The following CLYBL variants were observed in gnomAD, a reference collection of about 807,000 sequenced individuals.
CLYBL encodes citramalyl-CoA lyase, mitochondrial.
Under a neutral mutation model 38.9 loss-of-function variants are expected in CLYBL, and 31 were observed. That is an observed-to-expected ratio of 0.80 (90% confidence interval 0.60 to 1.08). The LOEUF (loss-of-function observed/expected upper bound fraction) is 1.08. CLYBL is among the 50% of genes least tolerant of loss of function. CLYBL has a pLI of 0.00. For synonymous variants in CLYBL, 171 were observed against 158.6 expected (o/e 1.08, Z -0.59); for missense variants, 434 against 411.6 (o/e 1.05, Z -0.47).
At chr13:99,817,380 C>T (rs1039973247) in intron 2 of CLYBL, among the ~76,000 whole-genome samples, 3 of 152,032 alleles carry the variant, frequency 2.0e-5, no homozygotes, top group East Asian at 3.9e-4. Flanking sequence ...AAGCACTGGC[C>T]GGGTGCAGTG....
At chr13:99,891,131 T>C (rs1223426689) in intron 7 of CLYBL, among the ~76,000 whole-genome samples, 187 bp from the exon 8 acceptor site, 1 of 152,180 alleles carries the variant, frequency 6.6e-6, no homozygotes, top group Non-Finnish European at 1.5e-5. Context: ...TTTTATTTTT[T>C]TCCCCTCTTT....
chr13:99,775,960 A>G (rs1028081689), intron 2 of CLYBL, among the ~76,000 whole-genome samples: 25 of 151,662 alleles, frequency 1.6e-4, no homozygotes, highest in East Asian at 3.9e-4. Flanking sequence ...TCAGGAGATC[A>G]AGACCATCCT....
intron 2 of CLYBL, among the ~76,000 whole-genome samples, chr13:99,807,331 C>T (rs74502255): frequency 0.013 from 1,972 of 152,274 alleles, 24 homozygotes; most frequent in East Asian, 0.074. Flanking sequence ...TCTGATTTGA[C>T]GCAGAATCCA....
chr13:99,706,107 T>C (rs1483583206), intron 1 of CLYBL, among the ~76,000 whole-genome samples: 2 of 152,080 alleles, frequency 1.3e-5, no homozygotes, highest in Middle Eastern at 3.2e-3. Context: ...AATTTTTGTA[T>C]TTTTAGTAGA....
At chr13:99,728,807 T>C (rs1031949089) in intron 1 of CLYBL, among the ~76,000 whole-genome samples, 4 of 152,090 alleles carry the variant, frequency 2.6e-5, no homozygotes, top group Non-Finnish European at 5.9e-5. Flanking sequence ...GGTCTCAAAC[T>C]CCTGGGCTCA....
chr13:99,729,595 C>T (rs1247709140), intron 1 of CLYBL, among the ~76,000 whole-genome samples: 1 of 152,166 alleles, frequency 6.6e-6, no homozygotes, highest in African/African-American at 2.4e-5. Flanking sequence ...GCTCTCCACC[C>T]TCCAGAGGGG....
At chr13:99,660,246 T>C (rs1021254636) in intron 1 of CLYBL, among the ~76,000 whole-genome samples, 3 of 152,220 alleles carry the variant, frequency 2.0e-5, no homozygotes, top group Non-Finnish European at 4.4e-5. Flanking sequence ...CATGAAAGAT[T>C]GCAGGAAGCC....
At chr13:99,789,399 C>A (rs1281962146) in intron 2 of CLYBL, among the ~76,000 whole-genome samples, 2 of 152,160 alleles carry the variant, frequency 1.3e-5, no homozygotes, top group Admixed American at 1.3e-4. Flanking sequence ...TATGTTGTAT[C>A]TTTGTTCTCA....
intron 1 of CLYBL, among the ~76,000 whole-genome samples, chr13:99,628,622 G>A (rs2046901726): frequency 6.6e-6 from 1 of 152,234 alleles, no homozygotes; most frequent in African/African-American, 2.4e-5. Context: ...TAAGACACTG[G>A]AAGGTGTCAT....
chr13:99,890,544 C>G (rs571904136), intron 7 of CLYBL, among the ~76,000 whole-genome samples: 1 of 152,278 alleles, frequency 6.6e-6, no homozygotes, highest in Non-Finnish European at 1.5e-5. Context: ...TGGCTCACTG[C>G]AACCTCCACC....
At chr13:99,624,071 AC>A (rs1241753721) in intron 1 of CLYBL, among the ~76,000 whole-genome samples, 1 of 150,596 alleles carries the variant, frequency 6.6e-6, no homozygotes, top group African/African-American at 2.4e-5. Context: ...TCAGATAGAT[AC>A]CTAAAGGCCA....
chr13:99,618,777 C>T (rs1472440506), intron 1 of CLYBL, among the ~76,000 whole-genome samples: 1 of 152,158 alleles, frequency 6.6e-6, no homozygotes, highest in Non-Finnish European at 1.5e-5. Context: ...TTTGACTACT[C>T]TAGGTACTTC....
chr13:99,640,270 T>A (rs898374695), intron 1 of CLYBL, among the ~76,000 whole-genome samples: 7 of 152,244 alleles, frequency 4.6e-5, no homozygotes, highest in Non-Finnish European at 1.0e-4. Context: ...TTATGGGTTT[T>A]AAAAAATCAT....
At chr13:99,717,766 G>A (rs2048339864) in intron 1 of CLYBL, among the ~76,000 whole-genome samples, 1 of 151,964 alleles carries the variant, frequency 6.6e-6, no homozygotes, top group Non-Finnish European at 1.5e-5. Context: ...TCACTGCCTT[G>A]AGTAATCTGT....
intron 1 of CLYBL, among the ~76,000 whole-genome samples, chr13:99,656,781 G>C (rs1257427603): frequency 6.6e-6 from 1 of 152,148 alleles, no homozygotes; most frequent in African/African-American, 2.4e-5. Flanking sequence ...AAATTAATGA[G>C]TTGTTTTATC....
At chr13:99,626,761 CAGTTT>C (rs2139220447) in intron 1 of CLYBL, among the ~76,000 whole-genome samples, 1 of 152,156 alleles carries the variant, frequency 6.6e-6, no homozygotes, top group South Asian at 2.1e-4. Flanking sequence ...AAACTTCAAA[CAGTTT>C]AAATGTCAAT....
At chr13:99,847,494 T>G (rs1472950084) in intron 2 of CLYBL, among the ~76,000 whole-genome samples, 1 of 152,210 alleles carries the variant, frequency 6.6e-6, no homozygotes, top group South Asian at 2.1e-4. Context: ...TGCTCCTGAC[T>G]GTACTTTGTA....
chr13:99,782,213 A>C (rs1309489358), intron 2 of CLYBL, among the ~76,000 whole-genome samples: 1 of 152,112 alleles, frequency 6.6e-6, no homozygotes, highest in Non-Finnish European at 1.5e-5. Context: ...TTTTTTTGAA[A>C]ATGTCTTTAT....
intron 1 of CLYBL, among the ~76,000 whole-genome samples, chr13:99,692,440 C>T (rs1373143258): frequency 1.3e-5 from 2 of 152,092 alleles, no homozygotes; most frequent in East Asian, 1.9e-4. Flanking sequence ...TACAGGCACC[C>T]GCCATCACGC....
Sources: allele counts gnomAD v4.1 joint callset (sites outside exome capture counted in the v4.1 genomes callset), GRCh38; gene constraint gnomAD v4.1.1; transcripts MANE v1.5; gene names NCBI Gene and HGNC (gene_info 2026-07-23, HGNC 2026-07-21).